Variants in SAMSN1 observed in about 807,000 individuals in gnomAD.
The protein encoded by SAMSN1 is SAM domain, SH3 domain and nuclear localization signals 1.
SAMSN1 carries 31 observed loss-of-function variants against 42.0 expected under a neutral mutation model. The observed-to-expected ratio is 0.74, with a 90% confidence interval of 0.55 to 1.00. SAMSN1 has a LOEUF of 1.00. SAMSN1 is among the 50% of genes least tolerant of loss of function. The pLI, the probability that SAMSN1 is intolerant of heterozygous loss-of-function variation, is 0.00. For synonymous variants in SAMSN1, 178 were observed against 151.9 expected (o/e 1.17, Z -1.26); for missense variants, 464 against 439.4 (o/e 1.06, Z -0.50).
At chr21:14,510,886 G>T (rs910967916) in intron 4 of SAMSN1, among the ~76,000 whole-genome samples, 1 of 152,214 alleles carries the variant, frequency 6.6e-6, no homozygotes, top group African/African-American at 2.4e-5. Context: ...TGTTGTATGA[G>T]TGCAAGGGAA....
chr21:14,507,637 C>G lies in SAMSN1; in HGVS notation c.561+2673G>C, dbSNP rs192893927. The stretch of plus-strand genomic sequence containing the variant: ...GGACCATACTGTCAAAAGCAATCTA[C>G]AAATTCAACAGATTTCCCATCAAAA... On this transcript the variant is annotated intron_variant, in intron 5 of 7. Coordinates refer to ENST00000400566, the MANE Select transcript of SAMSN1 (RefSeq NM_022136.5). 9.9e-5 allele frequency among the ~76,000 whole-genome samples: 15 copies of G among 152,232 alleles called. No homozygotes were observed. In the East Asian group the frequency reaches 2.9e-3, roughly 29 times the overall value.
intron 2 of SAMSN1, among the ~76,000 whole-genome samples, chr21:14,568,493 G>A (rs1981190950): frequency 6.6e-6 from 1 of 152,146 alleles, no homozygotes; most frequent in Non-Finnish European, 1.5e-5. Context: ...TATTTTCACG[G>A]GAATCAGGTC....
chr21:14,597,095 T>C (rs932385264), intron 6 of SAMSN1, among the ~76,000 whole-genome samples: 1 of 152,206 alleles, frequency 6.6e-6, no homozygotes, highest in African/African-American at 2.4e-5. Context: ...ATCATTTGGT[T>C]GACACTGTCA....
chr21:14,626,210 T>C (rs1048768568), intron 2 of SAMSN1, among the ~76,000 whole-genome samples: 1 of 152,214 alleles, frequency 6.6e-6, no homozygotes, highest in Non-Finnish European at 1.5e-5. Context: ...ATTCAGGACA[T>C]AGGCATGGGC....
chr21:14,557,947 G>A (rs950513502), intron 2 of SAMSN1, among the ~76,000 whole-genome samples: 22 of 152,228 alleles, frequency 1.4e-4, no homozygotes, highest in Middle Eastern at 3.4e-3. Flanking sequence ...GTCCGTGGAG[G>A]TCCTGTGGTG....
intron 6 of SAMSN1, among the ~76,000 whole-genome samples, chr21:14,596,471 G>A (rs557959195): frequency 6.6e-6 from 1 of 152,224 alleles, no homozygotes; most frequent in Admixed American, 6.5e-5. Context: ...TTCAGAAGGT[G>A]GAACCTAAGA....
At chr21:14,616,788 G>A (rs979446808) in intron 2 of SAMSN1, among the ~76,000 whole-genome samples, 4 of 152,218 alleles carry the variant, frequency 2.6e-5, no homozygotes, top group East Asian at 1.9e-4. Flanking sequence ...AAATTGCAAC[G>A]AATATTCCAC....
intron 6 of SAMSN1, among the ~76,000 whole-genome samples, chr21:14,499,054 GT>G (rs1987026606): frequency 6.6e-6 from 1 of 152,132 alleles, no homozygotes; most frequent in African/African-American, 2.4e-5. Context: ...CTTGGGGTAG[GT>G]TAAAAAATGA....
intron 1 of SAMSN1, among the ~76,000 whole-genome samples, chr21:14,533,533 G>A (rs1017573414): frequency 6.6e-6 from 1 of 152,114 alleles, no homozygotes; most frequent in Non-Finnish European, 1.5e-5. Flanking sequence ...ACAATACATT[G>A]GTCAAGTATC....
At chr21:14,500,314 A>C (rs1600864277) in intron 6 of SAMSN1, among the ~76,000 whole-genome samples, 1 of 152,274 alleles carries the variant, frequency 6.6e-6, no homozygotes, top group South Asian at 2.1e-4. Context: ...GTCACTGCTA[A>C]ATACTATTAA....
At chr21:14,589,918 C>G (rs1290611111) in intron 7 of SAMSN1, among the ~76,000 whole-genome samples, 1 of 152,124 alleles carries the variant, frequency 6.6e-6, no homozygotes, top group Non-Finnish European at 1.5e-5. Context: ...ATAATTTCTT[C>G]AACAGGAGAA....
chr21:14,502,284 A>C (rs1175656395), intron 5 of SAMSN1, among the ~76,000 whole-genome samples: 1 of 152,144 alleles, frequency 6.6e-6, no homozygotes, highest in Non-Finnish European at 1.5e-5. Flanking sequence ...AAGGGAATCA[A>C]ATCATAGGTT....
chr21:14,555,696 C>T (rs1011666454), intron 2 of SAMSN1, among the ~76,000 whole-genome samples: 1 of 152,170 alleles, frequency 6.6e-6, no homozygotes, highest in African/African-American at 2.4e-5. Flanking sequence ...TTTGCCTTTT[C>T]ATTCTTTATA....
Position 14,503,986 on chromosome 21 carries a change from T to C in SAMSN1, c.562-3251A>G, listed in dbSNP as rs543653456. Among the ~76,000 whole-genome samples, 12 of 152,244 alleles carry C rather than the reference T, an allele frequency of 7.9e-5. No homozygotes were observed. The East Asian group carries it at 2.1e-3, about 27-fold the overall frequency. On this transcript the variant is annotated intron_variant, in intron 5 of 7. Transcript: ENST00000400566. The stretch of plus-strand genomic sequence containing the variant: ...GAGCCTGGTAGACTAGTTGGGTGGC[T>C]AGATGTAGAAGACAGGTAACAATCA...
intron 2 of SAMSN1, among the ~76,000 whole-genome samples, chr21:14,634,198 C>G (rs562240643): frequency 3.7e-4 from 25 of 67,252 alleles, no homozygotes; most frequent in African/African-American, 8.5e-4. Context: ...AAACCCAAAA[C>G]TATAAAAAAA....
chr21:14,535,982 G>A (rs1432868067), intron 1 of SAMSN1, among the ~76,000 whole-genome samples: 3 of 152,136 alleles, frequency 2.0e-5, no homozygotes, highest in Admixed American at 2.0e-4. Flanking sequence ...GTGACAAATG[G>A]CTCTCTCTAT....
At chr21:14,525,690 A>G (rs1317521792) in intron 1 of SAMSN1, among the ~76,000 whole-genome samples, 1 of 152,128 alleles carries the variant, frequency 6.6e-6, no homozygotes, top group Non-Finnish European at 1.5e-5. Flanking sequence ...AAGAAACACA[A>G]TTGGCCATTC....
At chr21:14,555,142 C>A (rs550508059) in intron 2 of SAMSN1, among the ~76,000 whole-genome samples, 2 of 152,320 alleles carry the variant, frequency 1.3e-5, no homozygotes, top group African/African-American at 4.8e-5. Context: ...CCTTCAAAGG[C>A]TGAGCCTCTC....
At position 14,521,323 on chromosome 21, in the gene SAMSN1, C is replaced by A. The variant is rs563553724; in HGVS notation, c.58-102G>T. 12 of 701,162 alleles carry A rather than the reference C, an allele frequency of 1.7e-5. 1 individual carries two copies. In the South Asian group the frequency reaches 2.4e-4, roughly 14 times the overall value. The allele number at this position is 701,162 out of a possible 1,614,324, so 43.4% of individuals were successfully genotyped here. ...ATAGTTTAATAAGCACCGTCTCTTG[C>A]AAATACAGGCTTTAAAAAGCTCTTC... On this transcript the variant is annotated intron_variant, in intron 1 of 7. Transcript: ENST00000400566.
Sources: allele counts gnomAD v4.1 joint callset (sites outside exome capture counted in the v4.1 genomes callset), GRCh38; gene constraint gnomAD v4.1.1; transcripts MANE v1.5; gene names NCBI Gene and HGNC (gene_info 2026-07-23, HGNC 2026-07-21).